Variants in AZIN2 observed in about 807,000 individuals in gnomAD.
The protein encoded by AZIN2 is antizyme inhibitor 2, also known as ODC antizyme inhibitor-2.
In AZIN2, 28 loss-of-function variants were observed where a neutral mutation model predicts 47.8. The ratio of observed to expected loss-of-function variants is 0.59; its 90% CI spans 0.43 to 0.80. The LOEUF (loss-of-function observed/expected upper bound fraction) is 0.80. Among genes scored for constraint, AZIN2 ranks in the 30% least tolerant of loss-of-function variants. AZIN2 has a pLI of 0.00. For synonymous variants in AZIN2, 221 were observed against 239.4 expected, an observed-to-expected ratio of 0.92 and a Z score of 0.71; for missense variants, 535 against 582.5, an observed-to-expected ratio of 0.92 and a Z score of 0.84.
chr1:33,133,687 G>A, the AZIN2 span, among the ~76,000 whole-genome samples: 1 of 152,220 alleles, frequency 6.6e-6, no homozygotes, highest in African/African-American at 2.4e-5. Context: ...GTTAGGGCAA[G>A]GGCAGTGGAC....
At chr1:33,165,604 A>G in the AZIN2 span, 2 of 1,548,064 alleles carry the variant, frequency 1.3e-6, no homozygotes, top group Non-Finnish European at 1.8e-6. This position sits in a 1 kb window ranked among gnomAD's most constrained non-coding sequence, Gnocchi z 4.0. Flanking sequence ...GGCAGGGGCC[A>G]TGCCTGGCCC....
the AZIN2 span, among the ~76,000 whole-genome samples, chr1:33,134,265 G>T: frequency 6.6e-6 from 1 of 152,192 alleles, no homozygotes; most frequent in Non-Finnish European, 1.5e-5. Flanking sequence ...ACCCAGCAAG[G>T]GTAGGTATTT....
the AZIN2 span, among the ~76,000 whole-genome samples, chr1:33,157,829 T>C: frequency 6.6e-6 from 1 of 152,132 alleles, no homozygotes; most frequent in Admixed American, 6.6e-5. Flanking sequence ...CAGTCTCAGC[T>C]CACTGCAACC....
rs764424036 is a variant in AZIN2 at position 33,094,647 on chromosome 1, G to A, written c.687G>A (p.Lys229=). The A allele has an allele frequency of 1.2e-6, 2 of 1,614,190 alleles. No homozygotes were observed. Among genetic ancestry groups the A allele is most frequent in the African/African-American group, 2.7e-5 (2 of 75,062 alleles). ...VFEMGTELGH[K]MHVLDLGGGF... is the part of the protein sequence containing the mutation. ...AAATGGGCACCGAGCTGGGTCACAAGATGCACGTTCTGGACCTTGGTGGTG... is the reference window on the plus strand; with the variant it reads ...AAATGGGCACCGAGCTGGGTCACAAAATGCACGTTCTGGACCTTGGTGGTG... Residue 229 remains lysine, a synonymous_variant, in exon 8 of 12, where the codon AAG becomes AAA. Coordinates refer to ENST00000294517, the MANE Select transcript of AZIN2 (RefSeq NM_052998.4).
the AZIN2 span, among the ~76,000 whole-genome samples, chr1:33,135,864 T>C: frequency 1.3e-5 from 2 of 152,098 alleles, no homozygotes; most frequent in African/African-American, 4.8e-5. Context: ...GCTGTAGGAA[T>C]TGTTGGGTAA....
chr1:33,092,103 C>A lies in AZIN2; in HGVS notation c.333C>A (p.Cys111Ter). ...GAATCCCTGCCAGTAAGATCATCTGCGCCAACCCCTGTAAGCAAATTGCAC... is the reference window on the plus strand; with the variant it reads ...GAATCCCTGCCAGTAAGATCATCTGAGCCAACCCCTGTAAGCAAATTGCAC... ...HIGIPASKII[C>*]ANPCKQIAQI... Residue 111 changes from cysteine to a stop codon, truncating the protein, a stop_gained, in exon 6 of 12, where the codon TGC becomes TGA. Coordinates refer to ENST00000294517, the MANE Select transcript of AZIN2 (RefSeq NM_052998.4). LOFTEE classifies it high-confidence loss of function. 1 of 1,614,164 alleles carries A rather than the reference C, an allele frequency of 6.2e-7. No individual in the cohort carries two copies. Among genetic ancestry groups the A allele is most frequent in the Middle Eastern group, 1.6e-4 (1 of 6,062 alleles).
At chr1:33,128,934 C>A in the AZIN2 span, among the ~76,000 whole-genome samples, 2 of 152,090 alleles carry the variant, frequency 1.3e-5, no homozygotes, top group African/African-American at 4.8e-5. Context: ...CACAGGGCAC[C>A]AAGGGAGGTC....
intron 10 of AZIN2, among the ~76,000 whole-genome samples, chr1:33,108,822 A>G (rs1644148424): frequency 6.6e-6 from 1 of 152,246 alleles, no homozygotes; most frequent in Non-Finnish European, 1.5e-5. Context: ...GAATAAAGCT[A>G]TTATAAACAT....
At chr1:33,096,304 G>T (rs894264752) in intron 8 of AZIN2, among the ~76,000 whole-genome samples, 1 of 152,182 alleles carries the variant, frequency 6.6e-6, no homozygotes, top group Non-Finnish European at 1.5e-5. Context: ...TCTCAGGGTG[G>T]CAGAGGCAGA....
chr1:33,117,834 T>A, intron 10 of AZIN2, 68 bp from the exon 11 acceptor site: 1 of 1,561,822 alleles, frequency 6.4e-7, no homozygotes, highest in Non-Finnish European at 8.8e-7. Context: ...AGAAGGCTTT[T>A]GAGGGAGGGA....
intron 7 of AZIN2, 31 bp downstream of exon 7, chr1:33,093,447 C>T (rs1472319005): frequency 3.7e-6 from 6 of 1,606,242 alleles, no homozygotes; most frequent in South Asian, 1.1e-5. Context: ...CCATCCCCTC[C>T]CACACCAGGC....
At chr1:33,108,248 T>C (rs1644113673) in intron 10 of AZIN2, among the ~76,000 whole-genome samples, 1 of 151,990 alleles carries the variant, frequency 6.6e-6, no homozygotes, top group African/African-American at 2.4e-5. Context: ...CTTCCATAAA[T>C]GGTGTTAGGA....
Position 33,092,806 on chromosome 1 carries a change from C to T in AZIN2, c.453-476C>T, listed in dbSNP as rs368715437. ...GACTTTCGAAGGGGTCAGGGCTGGA[C>T]GTTTTGCTCTGGCTGTGCCTTTTAC... is the stretch of plus-strand genomic sequence containing the variant. On this transcript the variant is annotated intron_variant, in intron 6 of 11. Coordinates refer to ENST00000294517, the MANE Select transcript of AZIN2 (RefSeq NM_052998.4). Among the ~76,000 whole-genome samples the T allele has an allele frequency of 5.9e-5, 9 of 152,182 alleles. No homozygotes were observed. The East Asian group carries it at 9.7e-4, about 16-fold the overall frequency.
At chr1:33,165,601 G>A in the AZIN2 span, 2 of 1,547,638 alleles carry the variant, frequency 1.3e-6, no homozygotes, top group Non-Finnish European at 1.8e-6. The surrounding 1 kb of genome is among the most constrained non-coding windows in gnomAD (Gnocchi z 4.0). Context: ...GGGGGCAGGG[G>A]CCATGCCTGG....
intron 10 of AZIN2, among the ~76,000 whole-genome samples, chr1:33,107,879 A>C (rs555141282): frequency 8.5e-5 from 13 of 152,176 alleles, no homozygotes; most frequent in African/African-American, 3.1e-4. Context: ...AAGAATTAAT[A>C]CTGTTAAAAT....
At chr1:33,086,876 C>T (rs572945877) in intron 5 of AZIN2, among the ~76,000 whole-genome samples, 64 of 152,356 alleles carry the variant, frequency 4.2e-4, no homozygotes, top group African/African-American at 1.5e-3. Context: ...TGTCTGCCCC[C>T]ATTTTTTCTT....
chr1:33,114,031 A>G (rs1644402798), intron 10 of AZIN2, among the ~76,000 whole-genome samples: 1 of 151,692 alleles, frequency 6.6e-6, no homozygotes. Flanking sequence ...TTGCCTATAT[A>G]TTCACAAGTG....
the AZIN2 span, chr1:33,164,417 G>T: frequency 6.6e-6 from 1 of 152,298 alleles, no homozygotes; most frequent in Admixed American, 6.5e-5. Context: ...GTATAGTGGG[G>T]ACTCCACCCG....
chr1:33,119,927 C>A, intron 11 of AZIN2, 117 bp from the exon 12 acceptor site: 6 of 1,423,954 alleles, frequency 4.2e-6, no homozygotes, highest in Non-Finnish European at 5.7e-6. Context: ...CCTGCCCCTG[C>A]CCTCAGCTGA....
Sources: gnomAD v4.1 joint callset for allele counts (sites outside exome capture counted in the v4.1 genomes callset) on GRCh38, gnomAD v4.1.1 for gene constraint, Gnocchi (gnomAD v3.1) non-coding constraint, MANE v1.5 for transcripts, NCBI Gene and HGNC (gene_info 2026-07-23, HGNC 2026-07-21) for gene names.